PPARGC1A: variants seen among roughly 807,000 people sequenced by gnomAD.
PPARGC1A encodes the protein peroxisome proliferator-activated receptor gamma coactivator 1-alpha.
A neutral mutation model predicts 88.7 loss-of-function variants in PPARGC1A; 25 were observed. The observed-to-expected ratio is 0.28, with a 90% CI of 0.21 to 0.39. The LOEUF (loss-of-function observed/expected upper bound fraction) is 0.39, where lower values mean the gene tolerates loss of function less well. Among genes scored for constraint, PPARGC1A ranks in the 10% least tolerant of loss-of-function variants. The probability of loss-of-function intolerance (pLI) is 1.00; values close to 1 mark genes in which losing one functional copy is unlikely to be tolerated. For missense variants in PPARGC1A, 880 were observed against 968.7 expected, an observed-to-expected ratio of 0.91 and a Z score of 1.22; for synonymous variants, 363 against 355.6, an observed-to-expected ratio of 1.02 and a Z score of -0.24.
the PPARGC1A span, among the ~76,000 whole-genome samples, chr4:24,252,070 C>T: frequency 2.1e-3 from 327 of 152,142 alleles, no homozygotes; most frequent in African/African-American, 7.5e-3. Flanking sequence ...CTATTTTAAG[C>T]ATTTTGGAAG....
At chr4:23,849,010 A>G (rs192291837) in intron 2 of PPARGC1A, among the ~76,000 whole-genome samples, 13 of 152,142 alleles carry the variant, frequency 8.5e-5, no homozygotes, top group Admixed American at 8.5e-4. Flanking sequence ...CGGGCGTGGT[A>G]GCGGGCGCCT....
At chr4:24,077,651 GT>G in the PPARGC1A span, among the ~76,000 whole-genome samples, 1 of 149,728 alleles carries the variant, frequency 6.7e-6, no homozygotes, top group Non-Finnish European at 1.5e-5. Context: ...GTGTGTGTGT[GT>G]GTGTGTGTGT....
In PPARGC1A at chr4:23,821,200, T is replaced by C. The variant is rs184511147; in HGVS notation, c.877+3080A>G. On this transcript the variant is annotated intron_variant, in intron 7 of 12. Coordinates refer to ENST00000264867, the MANE Select transcript of PPARGC1A (RefSeq NM_013261.5). ...TAAAATTCAGACTTCAGGAAAGAGATATAAGTTCTCTTCAGGCAGACCTGC... is the reference window on the plus strand; with the variant it reads ...TAAAATTCAGACTTCAGGAAAGAGACATAAGTTCTCTTCAGGCAGACCTGC... Among the ~76,000 whole-genome samples, 6 of 152,258 alleles carry C rather than the reference T, an allele frequency of 3.9e-5. No homozygotes were observed. The East Asian group carries it at 1.2e-3, about 29-fold the overall frequency.
the PPARGC1A span, among the ~76,000 whole-genome samples, chr4:24,325,286 T>C: frequency 1.3e-5 from 2 of 151,984 alleles, no homozygotes; most frequent in Non-Finnish European, 2.9e-5. Context: ...CTCCAAAAAT[T>C]AAATTCCGGC....
chr4:24,190,116 T>C, the PPARGC1A span, among the ~76,000 whole-genome samples: 1 of 152,174 alleles, frequency 6.6e-6, no homozygotes, highest in Non-Finnish European at 1.5e-5. Flanking sequence ...CTTTGGTCAG[T>C]AATCGGCTTC....
the PPARGC1A span, among the ~76,000 whole-genome samples, chr4:24,314,028 T>C: frequency 2.6e-5 from 4 of 151,954 alleles, no homozygotes; most frequent in Non-Finnish European, 5.9e-5. Flanking sequence ...GAAGAAAAAA[T>C]AAACAGCATG....
At chr4:24,161,461 T>C in the PPARGC1A span, among the ~76,000 whole-genome samples, 106 of 152,242 alleles carry the variant, frequency 7.0e-4, no homozygotes, top group African/African-American at 2.5e-3. Context: ...TGGGGCTGTG[T>C]GCCGATAAGA....
the PPARGC1A span, among the ~76,000 whole-genome samples, chr4:24,424,258 C>CTT: frequency 0.018 from 797 of 44,338 alleles, 237 homozygotes; most frequent in Admixed American, 0.023. Flanking sequence ...TATACACACA[C>CTT]TTTTTTTTTT....
the PPARGC1A span, among the ~76,000 whole-genome samples, chr4:24,281,438 G>C: frequency 1.3e-5 from 2 of 152,158 alleles, no homozygotes; most frequent in Non-Finnish European, 2.9e-5. Flanking sequence ...AGAGAGAAGA[G>C]TGAGGTGCCA....
the PPARGC1A span, among the ~76,000 whole-genome samples, chr4:24,174,560 A>G: frequency 6.6e-6 from 1 of 152,220 alleles, no homozygotes; most frequent in Non-Finnish European, 1.5e-5. Flanking sequence ...AATTCACACA[A>G]GGCATCCATC....
chr4:24,393,760 C>T, the PPARGC1A span, among the ~76,000 whole-genome samples: 4 of 152,262 alleles, frequency 2.6e-5, no homozygotes, highest in South Asian at 4.1e-4. Flanking sequence ...ATTTGCTTAA[C>T]GTTCTTTTTA....
At chr4:24,179,369 C>A in the PPARGC1A span, among the ~76,000 whole-genome samples, 1 of 152,168 alleles carries the variant, frequency 6.6e-6, no homozygotes. Context: ...AGGGCAGAGT[C>A]TCTTTCCCCT....
the PPARGC1A span, among the ~76,000 whole-genome samples, chr4:24,235,941 G>A: frequency 6.6e-6 from 1 of 152,136 alleles, no homozygotes; most frequent in African/African-American, 2.4e-5. Flanking sequence ...TTTCAGAGGT[G>A]TGTTTTCCTT....
intron 7 of PPARGC1A, among the ~76,000 whole-genome samples, chr4:23,816,542 TA>T (rs3836558): frequency 0.29 from 43,224 of 149,880 alleles, 6,587 homozygotes; most frequent in Admixed American, 0.35. Flanking sequence ...CCCAGCGAGA[TA>T]AAAAAAAAAG....
At chr4:23,886,036 T>C (rs1035279376) in intron 1 of PPARGC1A, among the ~76,000 whole-genome samples, 3 of 152,166 alleles carry the variant, frequency 2.0e-5, no homozygotes, top group African/African-American at 4.8e-5. Context: ...TAACCGCTAA[T>C]GTCAGTCCGC....
the PPARGC1A span, among the ~76,000 whole-genome samples, chr4:24,154,284 G>T: frequency 6.6e-6 from 1 of 152,300 alleles, no homozygotes; most frequent in African/African-American, 2.4e-5. Flanking sequence ...CCAAGCCCCT[G>T]TTGGACAGCA....
At chr4:24,185,814 AGT>A in the PPARGC1A span, among the ~76,000 whole-genome samples, 1 of 120,524 alleles carries the variant, frequency 8.3e-6, no homozygotes, top group Non-Finnish European at 1.7e-5. Flanking sequence ...CAGTCCCCAG[AGT>A]GTGATATTCC....
chr4:24,309,032 A>T, the PPARGC1A span, among the ~76,000 whole-genome samples: 1 of 152,132 alleles, frequency 6.6e-6, no homozygotes, highest in African/African-American at 2.4e-5. Context: ...ATAATTCAGT[A>T]CTCTGGATTT....
At chr4:24,267,691 CTTTTA>C in the PPARGC1A span, among the ~76,000 whole-genome samples, 2 of 152,150 alleles carry the variant, frequency 1.3e-5, no homozygotes, top group African/African-American at 4.8e-5. Context: ...TCATACTTTA[CTTTTA>C]AAGTTTTAGA....
Sources: gnomAD v4.1 joint callset for allele counts (sites outside exome capture counted in the v4.1 genomes callset) on GRCh38, gnomAD v4.1.1 for gene constraint, MANE v1.5 for transcripts, NCBI Gene and HGNC (gene_info 2026-07-23, HGNC 2026-07-21) for gene names.